The following SYNPR variants were observed in gnomAD, a reference collection of about 807,000 sequenced individuals.
The protein encoded by SYNPR is synaptoporin.
SYNPR carries 23 observed loss-of-function variants against 32.9 expected under a neutral mutation model. The ratio of observed to expected loss-of-function variants is 0.70; its 90% CI spans 0.50 to 0.99. The LOEUF is 0.99. SYNPR is among the 50% of genes least tolerant of loss of function. SYNPR has a pLI of 0.00. For synonymous variants in SYNPR, 146 were observed against 135.9 expected, an observed-to-expected ratio of 1.07 and a Z score of -0.52; for missense variants, 318 against 349.3, an observed-to-expected ratio of 0.91 and a Z score of 0.71.
At chr3:63,268,912 G>T (rs988005930) in intron 3 of SYNPR, among the ~76,000 whole-genome samples, 13 of 152,174 alleles carry the variant, frequency 8.5e-5, no homozygotes, top group African/African-American at 2.4e-4. Context: ...GCGAATGCTA[G>T]AAATTTATTT....
chr3:63,448,865 T>G (rs1046587655), intron 2 of SYNPR, among the ~76,000 whole-genome samples: 3 of 152,212 alleles, frequency 2.0e-5, no homozygotes, highest in African/African-American at 7.2e-5. Flanking sequence ...ATAATTGAAC[T>G]GTTCTAGTAA....
At chr3:63,403,891 T>A (rs1329554706) in intron 2 of SYNPR, among the ~76,000 whole-genome samples, 1 of 152,228 alleles carries the variant, frequency 6.6e-6, no homozygotes, top group Non-Finnish European at 1.5e-5. Context: ...GAGCCATCCT[T>A]GATCGACCAC....
At chr3:63,550,585 A>G (rs1228276100) in intron 3 of SYNPR, among the ~76,000 whole-genome samples, 1 of 152,122 alleles carries the variant, frequency 6.6e-6, no homozygotes, top group Non-Finnish European at 1.5e-5. Flanking sequence ...GGCTGACTGC[A>G]TATTTTTAAA....
rs565639626 is a variant in SYNPR, at chr3:63,269,005, A to G, written n.287+1556A>G. Among the ~76,000 whole-genome samples, 162 of 152,322 alleles carry G rather than the reference A, an allele frequency of 1.1e-3. 1 individual carries two copies. Among genetic ancestry groups the G allele is most frequent in the South Asian group, 6.0e-3 (29 of 4,820 alleles). On this transcript the variant is annotated intron_variant and non_coding_transcript_variant, in intron 3 of 4. Coordinates refer to the SYNPR transcript ENST00000478456. The stretch of plus-strand genomic sequence containing the variant: ...TTCAATAGTAAGAAATCACTGAGAA[A>G]CCATTATATATTTAAGTATCCCTCA...
intron 2 of SYNPR, among the ~76,000 whole-genome samples, chr3:63,253,394 T>C (rs891317101): frequency 1.3e-5 from 2 of 152,210 alleles, no homozygotes; most frequent in Non-Finnish European, 1.5e-5. Context: ...AACTGTAGCA[T>C]CATTTGGACA....
At chr3:63,390,990 G>A (rs1277224453) in intron 2 of SYNPR, among the ~76,000 whole-genome samples, 1 of 152,206 alleles carries the variant, frequency 6.6e-6, no homozygotes, top group Admixed American at 6.5e-5. Context: ...ATAGTGCAGG[G>A]CCGTAGTAAG....
intron 1 of SYNPR, among the ~76,000 whole-genome samples, chr3:63,231,702 AT>A (rs1299338625): frequency 6.6e-6 from 1 of 152,154 alleles, no homozygotes; most frequent in Non-Finnish European, 1.5e-5. Flanking sequence ...ATTTTTTTAA[AT>A]TTTAGCAGCA....
At chr3:63,334,972 G>C (rs76793869) in intron 2 of SYNPR, among the ~76,000 whole-genome samples, 69 of 152,236 alleles carry the variant, frequency 4.5e-4, no homozygotes, top group Non-Finnish European at 8.4e-4. Context: ...GTGGTCTCTG[G>C]GCTACAGCTC....
At chr3:63,274,915 C>T (rs2086561924), upstream of SYNPR, among the ~76,000 whole-genome samples, 1 of 152,188 alleles carries the variant, frequency 6.6e-6, no homozygotes, top group Non-Finnish European at 1.5e-5. Context: ...CCAAATCACC[C>T]TCTATTGAGA....
chr3:63,574,134 A>G (rs140495680), intron 4 of SYNPR, among the ~76,000 whole-genome samples: 2 of 152,292 alleles, frequency 1.3e-5, no homozygotes, highest in African/African-American at 4.8e-5. Flanking sequence ...GAAAGTAACT[A>G]CTAGAAAATC....
chr3:63,239,095 G>T (rs1232294620), intron 1 of SYNPR, among the ~76,000 whole-genome samples: 1 of 152,044 alleles, frequency 6.6e-6, no homozygotes, highest in East Asian at 1.9e-4. Flanking sequence ...ATGTGCACAG[G>T]CTCCTCTCAA....
chr3:63,339,349 T>C (rs2087334783), intron 2 of SYNPR, among the ~76,000 whole-genome samples: 1 of 152,174 alleles, frequency 6.6e-6, no homozygotes, highest in African/African-American at 2.4e-5. Flanking sequence ...GTGTTTTCAT[T>C]TTTAATTGAA....
At chr3:63,304,174 T>C (rs2086884638) in intron 2 of SYNPR, among the ~76,000 whole-genome samples, 1 of 151,986 alleles carries the variant, frequency 6.6e-6, no homozygotes, top group Non-Finnish European at 1.5e-5. Flanking sequence ...TAATTTTATA[T>C]TGCGTTGTAA....
intron 3 of SYNPR, among the ~76,000 whole-genome samples, chr3:63,539,465 A>T (rs1209190286): frequency 6.6e-6 from 1 of 152,160 alleles, no homozygotes. Context: ...TCTAAATACT[A>T]AAACTGTCCT....
At chr3:63,381,772 T>C (rs1347848585) in intron 2 of SYNPR, among the ~76,000 whole-genome samples, 3 of 152,226 alleles carry the variant, frequency 2.0e-5, no homozygotes, top group Non-Finnish European at 2.9e-5. Flanking sequence ...GTATTGTTTC[T>C]CTGACTCCCT....
chr3:63,211,004 T>A, the SYNPR span, among the ~76,000 whole-genome samples: 1 of 152,230 alleles, frequency 6.6e-6, no homozygotes, highest in Non-Finnish European at 1.5e-5. Flanking sequence ...ATTAGCCTCT[T>A]CTCCAGATTC....
intron 2 of SYNPR, among the ~76,000 whole-genome samples, chr3:63,373,917 G>A (rs2087850786): frequency 1.3e-5 from 2 of 152,126 alleles, no homozygotes; most frequent in Admixed American, 1.3e-4. Context: ...AGAGATTGGG[G>A]GCCTATGTTC....
chr3:63,377,918 A>G (rs1575616117), intron 2 of SYNPR, among the ~76,000 whole-genome samples: 2 of 152,010 alleles, frequency 1.3e-5, no homozygotes, highest in East Asian at 3.9e-4. Context: ...ATCAAGTTCA[A>G]TAAGAAGTTG....
intron 4 of SYNPR, among the ~76,000 whole-genome samples, chr3:63,588,100 A>G (rs147112324): frequency 6.6e-6 from 1 of 152,102 alleles, no homozygotes; most frequent in African/African-American, 2.4e-5. Flanking sequence ...GGAGAAAAAA[A>G]CTTTGTTGTG....
Sources: allele counts gnomAD v4.1 joint callset (sites outside exome capture counted in the v4.1 genomes callset), GRCh38; gene constraint gnomAD v4.1.1; transcripts MANE v1.5; gene names NCBI Gene and HGNC (gene_info 2026-07-23, HGNC 2026-07-21).